APPL2: variants seen among roughly 807,000 people sequenced by gnomAD.
APPL2 encodes adaptor protein, phosphotyrosine interacting with PH domain and leucine zipper 2, also known as DCC-interacting protein 13-beta.
Under a neutral mutation model 92.7 loss-of-function variants are expected in APPL2, and 84 were observed. That is an observed-to-expected ratio of 0.91 (90% CI 0.76 to 1.09). The LOEUF (loss-of-function observed/expected upper bound fraction) is 1.09. Ranked by LOEUF, APPL2 falls within the 50% of genes least tolerant of loss-of-function variation. The pLI, the probability that APPL2 is intolerant of heterozygous loss-of-function variation, is 0.00. For missense variants in APPL2, 736 were observed against 824.5 expected, an observed-to-expected ratio of 0.89 and a Z score of 1.31; for synonymous variants, 291 against 291.0, an observed-to-expected ratio of 1.00 and a Z score of 0.00.
rs564987140 is a variant in APPL2 at position 105,183,148 on chromosome 12, G to C, written c.1634+5125C>G. ...ATCCCTTTATTTTGAGCCTATGTGT[G>C]TCTCTGCACATGAGATGGGTCTCCT... On this transcript the variant is annotated intron_variant, in intron 17 of 20. Coordinates refer to ENST00000258530, the MANE Select transcript of APPL2 (RefSeq NM_018171.5). Among the ~76,000 whole-genome samples, 9 of 134,138 alleles carry C rather than the reference G, an allele frequency of 6.7e-5. No homozygotes were observed. In the South Asian group the frequency reaches 9.5e-4, roughly 14 times the overall value. The allele number at this position is 134,138 out of a possible 152,430, so 88.0% of individuals were successfully genotyped here.
At chr12:105,174,829 C>T (rs78930914) in intron 20 of APPL2, among the ~76,000 whole-genome samples, 2,395 of 141,788 alleles carry the variant, frequency 0.017, 26 homozygotes, top group Admixed American at 0.024. Flanking sequence ...AAAACAGCTG[C>T]GGCCATTTAT....
chr12:105,214,846 G>C (rs1193348126), intron 4 of APPL2, among the ~76,000 whole-genome samples: 1 of 152,198 alleles, frequency 6.6e-6, no homozygotes, highest in Non-Finnish European at 1.5e-5. Context: ...CATCTTCCAG[G>C]AACGGGAGAG....
chr12:105,203,478 C>T (rs373195671), intron 9 of APPL2: 1 of 504,900 alleles, frequency 2.0e-6, no homozygotes, highest in Non-Finnish European at 3.5e-6. Context: ...ACATGTGAAA[C>T]TCCAATATTC....
intron 1 of APPL2, among the ~76,000 whole-genome samples, chr12:105,230,488 A>G (rs1348395530): frequency 2.6e-5 from 4 of 152,234 alleles, no homozygotes; most frequent in Non-Finnish European, 5.9e-5. Context: ...TTAGGCATAG[A>G]ATGAAGAATA....
chr12:105,205,739 A>C (rs1459325930), intron 8 of APPL2, among the ~76,000 whole-genome samples: 1 of 152,212 alleles, frequency 6.6e-6, no homozygotes, highest in African/African-American at 2.4e-5. Context: ...AAAGAGAACA[A>C]AGAGAGCCCC....
At chr12:105,190,557 A>C (rs1057035673) in intron 14 of APPL2, among the ~76,000 whole-genome samples, 8 of 152,160 alleles carry the variant, frequency 5.3e-5, no homozygotes, top group Non-Finnish European at 1.0e-4. Context: ...TAATTTCCCC[A>C]AAAGCCTCCC....
chr12:105,178,080 C>T (rs942875490), intron 17 of APPL2, among the ~76,000 whole-genome samples: 10 of 152,130 alleles, frequency 6.6e-5, no homozygotes, highest in South Asian at 6.2e-4. Context: ...CATGAACCAC[C>T]GCGCCAGGCC....
intron 1 of APPL2, among the ~76,000 whole-genome samples, chr12:105,232,672 G>A (rs1001726843): frequency 6.6e-6 from 1 of 151,876 alleles, no homozygotes; most frequent in East Asian, 1.9e-4. Flanking sequence ...GCTGAGGTGG[G>A]AGGATCGCTT....
chr12:105,221,862 A>C (rs1890124615), intron 2 of APPL2, among the ~76,000 whole-genome samples: 2 of 152,238 alleles, frequency 1.3e-5, no homozygotes, highest in African/African-American at 4.8e-5. Flanking sequence ...TTGGCAAAGG[A>C]ATGTTTATCT....
chr12:105,202,634 G>A (rs770058520), intron 9 of APPL2, among the ~76,000 whole-genome samples: 1 of 152,064 alleles, frequency 6.6e-6, no homozygotes, highest in African/African-American at 2.4e-5. Flanking sequence ...CATTCCCAGG[G>A]GCTAAGAACC....
chr12:105,224,680 C>T (rs1440107366), intron 2 of APPL2, among the ~76,000 whole-genome samples: 1 of 152,170 alleles, frequency 6.6e-6, no homozygotes, highest in Admixed American at 6.5e-5. Flanking sequence ...TAGTGCGTGG[C>T]ACTTTTATGT....
At position 105,197,848 on chromosome 12, in the gene APPL2, C is replaced by T. The variant is rs142685088; in HGVS notation, c.969G>A (p.Gln323=). ...PRGAVAGGLI[Q]DLDNCSVMAV... is the part of the protein sequence containing the mutation. ...CCATCACTGAGCAGTTGTCCAGGTC[C>T]TGGATCAAACCTCCAGCCACGGCTC... Residue 323 remains glutamine (Q), a synonymous_variant, in exon 11 of 21, where the codon CAG becomes CAA. Coordinates refer to ENST00000258530, the MANE Select transcript of APPL2 (RefSeq NM_018171.5). 8.7e-6 allele frequency: 14 copies of T among 1,614,216 alleles called. No homozygotes were observed. The African/African-American group carries it at 1.6e-4, about 18-fold the overall frequency.
intron 17 of APPL2, among the ~76,000 whole-genome samples, chr12:105,183,007 T>C (rs111544633): frequency 1.8e-4 from 27 of 152,054 alleles, no homozygotes; most frequent in African/African-American, 6.0e-4. Flanking sequence ...CACTATGTAA[T>C]GCCCTTCTTT....
chr12:105,184,213 T>C (rs1273965390), intron 17 of APPL2, among the ~76,000 whole-genome samples: 2 of 152,200 alleles, frequency 1.3e-5, no homozygotes, highest in Non-Finnish European at 2.9e-5. Context: ...CATGCTCCTT[T>C]AGCTTGGAGG....
intron 5 of APPL2, among the ~76,000 whole-genome samples, chr12:105,209,008 C>T (rs1888994733): frequency 6.6e-6 from 1 of 152,278 alleles, no homozygotes; most frequent in Non-Finnish European, 1.5e-5. Context: ...ATGCTCTTCG[C>T]GTTATTCATA....
intron 2 of APPL2, among the ~76,000 whole-genome samples, chr12:105,219,554 G>GATGA (rs1228397466): frequency 1.3e-5 from 2 of 152,214 alleles, no homozygotes; most frequent in Non-Finnish European, 2.9e-5. Context: ...ACAAATGTTT[G>GATGA]ATGAATGAAT....
chr12:105,199,484 T>C lies in APPL2; in HGVS notation c.752A>G (p.Gln251Arg), dbSNP rs948518426. Reference protein sequence around the residue: ...EAEAEKMRVSQQELLSVDESV... With the variant: ...EAEAEKMRVSRQELLSVDESV... ...TTCATCAACAGAAAGTAATTCTTGC[T>C]GGGACACCCGCATCTTTTCCGCCTC... The change falls in exon 10 of 21, where the codon CAG (glutamine) becomes CGG (arginine). Residue 251 changes from glutamine to arginine, a missense_variant. By Grantham distance (43) the Gln-to-Arg change is conservative (BLOSUM62 1). Transcript: ENST00000258530. 4 of 1,614,016 alleles carry C rather than the reference T, an allele frequency of 2.5e-6. No individual in the cohort carries two copies. The highest frequency in any genetic ancestry group is 3.3e-4 in the Middle Eastern group (2 of 6,012).
intron 17 of APPL2, among the ~76,000 whole-genome samples, chr12:105,180,763 T>C (rs1050497342): frequency 1.5e-4 from 23 of 152,316 alleles, no homozygotes; most frequent in South Asian, 8.3e-4. Flanking sequence ...TTTGGCTGTT[T>C]GTGTATTATT....
Position 105,190,271 on chromosome 12 carries a change from A to G in APPL2, c.1242-116T>C, listed in dbSNP as rs1205487776. 18 of 1,094,542 alleles carry G rather than the reference A, an allele frequency of 1.6e-5. No homozygotes were observed. The East Asian group carries it at 4.2e-4, about 26-fold the overall frequency. The allele number at this position is 1,094,542 out of a possible 1,614,324, so 67.8% of individuals were successfully genotyped here. On this transcript the variant is annotated intron_variant, in intron 14 of 20. Transcript: ENST00000258530. ...AATACAAGGGGAAAGATTGACCTCA[A>G]TCCCTTAATCCATTCTACAAATAAA...
Sources: allele counts gnomAD v4.1 joint callset (sites outside exome capture counted in the v4.1 genomes callset), GRCh38; gene constraint gnomAD v4.1.1; transcripts MANE v1.5; gene names NCBI Gene and HGNC (gene_info 2026-07-23, HGNC 2026-07-21).